PLCG2: variants seen among roughly 807,000 people sequenced by gnomAD.
PLCG2 encodes the protein phospholipase C gamma 2.
PLCG2 carries 69 observed loss-of-function variants against 175.6 expected under a neutral mutation model. The ratio of observed to expected loss-of-function variants is 0.39; its 90% CI spans 0.32 to 0.48. The LOEUF (loss-of-function observed/expected upper bound fraction) is 0.48, where lower values mean the gene tolerates loss of function less well. PLCG2 is among the 20% of genes least tolerant of loss of function. The pLI, the probability that PLCG2 is intolerant of heterozygous loss-of-function variation, is 0.91. For missense variants in PLCG2, 1,798 were observed against 1,650.9 expected, an observed-to-expected ratio of 1.09 and a Z score of -1.54; for synonymous variants, 827 against 624.0, an observed-to-expected ratio of 1.33 and a Z score of -4.85.
chr16:81,767,925 T>C (rs1306071207), intron 2 of PLCG2: 1 of 152,318 alleles, frequency 6.6e-6, no homozygotes, highest in African/African-American at 2.4e-5. Flanking sequence ...GTTTTGCTCT[T>C]GTTGCCTAGG....
At chr16:81,867,007 G>A (rs968751688) in intron 5 of PLCG2, among the ~76,000 whole-genome samples, 1 of 152,224 alleles carries the variant, frequency 6.6e-6, no homozygotes, top group African/African-American at 2.4e-5. Context: ...TGCCCTCAAG[G>A]TCTGTCTGTG....
chr16:81,944,153 T>A (rs759542325), intron 30 of PLCG2, among the ~76,000 whole-genome samples: 8 of 152,192 alleles, frequency 5.3e-5, no homozygotes, highest in African/African-American at 1.9e-4. Context: ...GTGAGATGCA[T>A]GCTGGGGAAA....
intron 2 of PLCG2, among the ~76,000 whole-genome samples, chr16:81,769,234 T>A (rs1910219883): frequency 6.6e-6 from 1 of 152,218 alleles, no homozygotes; most frequent in African/African-American, 2.4e-5. Flanking sequence ...CCCTTACCAT[T>A]ACGTCTAATA....
chr16:81,904,969 C>A (rs961563492), intron 14 of PLCG2, among the ~76,000 whole-genome samples: 8 of 152,310 alleles, frequency 5.3e-5, no homozygotes, highest in African/African-American at 1.9e-4. Context: ...CTCACTGCAA[C>A]CTCCACTTCC....
At chr16:81,907,305 G>A (rs11641484) in intron 15 of PLCG2, among the ~76,000 whole-genome samples, 132,286 of 150,924 alleles carry the variant, frequency 0.88, 58,137 homozygotes, top group East Asian at 0.96. Context: ...TTCATCGGGG[G>A]AAAAAAAAAA....
At chr16:81,886,909 A>G (rs956941119) in intron 9 of PLCG2, among the ~76,000 whole-genome samples, 1 of 152,150 alleles carries the variant, frequency 6.6e-6, no homozygotes, top group South Asian at 2.1e-4. Flanking sequence ...ATCTAGTGCA[A>G]TACCCTACAC....
At chr16:81,790,318 G>C (rs950683325) in intron 2 of PLCG2, among the ~76,000 whole-genome samples, 1 of 152,192 alleles carries the variant, frequency 6.6e-6, no homozygotes, top group Admixed American at 6.5e-5. Context: ...GAGGGATGAC[G>C]TGATTGGATT....
chr16:81,798,464 G>C (rs1329840086), intron 2 of PLCG2: 2 of 152,338 alleles, frequency 1.3e-5, no homozygotes, highest in Non-Finnish European at 2.9e-5. Flanking sequence ...TGGGAGGCTG[G>C]GGAGGCCTGG....
chr16:81,837,684 G>A (rs4500721), intron 2 of PLCG2, among the ~76,000 whole-genome samples: 1,640 of 126,132 alleles, frequency 0.013, 37 homozygotes, highest in African/African-American at 0.042. Context: ...ACCAACATGT[G>A]TTTTTTTTTT....
At chr16:81,937,486 A>G (rs758768976) in intron 27 of PLCG2, 2 of 305,518 alleles carry the variant, frequency 6.5e-6, no homozygotes, top group East Asian at 5.7e-5. Context: ...AAAATTGCCT[A>G]TGCAATTTAT....
intron 29 of PLCG2, among the ~76,000 whole-genome samples, chr16:81,939,259 C>T (rs978855540): frequency 6.6e-6 from 1 of 152,146 alleles, no homozygotes; most frequent in Non-Finnish European, 1.5e-5. Flanking sequence ...GGTGAACCTA[C>T]GTGGCTGACC....
At chr16:81,771,193 T>G (rs761201178) in intron 2 of PLCG2, among the ~76,000 whole-genome samples, 6 of 152,220 alleles carry the variant, frequency 3.9e-5, no homozygotes, top group Non-Finnish European at 8.8e-5. Context: ...AGGTCCTTCC[T>G]TCTGCTGCCT....
At chr16:81,910,823 C>A (rs1909590468) in intron 18 of PLCG2, 103 bp downstream of exon 18, 1 of 1,078,698 alleles carries the variant, frequency 9.3e-7, no homozygotes, top group Non-Finnish European at 1.4e-6. Flanking sequence ...CCCCAGGACA[C>A]CCTCTCCCCA....
intron 2 of PLCG2, among the ~76,000 whole-genome samples, chr16:81,824,046 T>TTCCTGTCCTG (rs71146049): frequency 3.7e-5 from 4 of 108,746 alleles, no homozygotes; most frequent in African/African-American, 1.3e-4. Context: ...TTCCTTTCCT[T>TTCCTGTCCTG]TCCTGTCCTG....
intron 2 of PLCG2, among the ~76,000 whole-genome samples, chr16:81,848,251 T>A (rs2143451948): frequency 6.6e-6 from 1 of 152,280 alleles, no homozygotes; most frequent in East Asian, 1.9e-4. Context: ...TTCAGAAGTA[T>A]GATGAATAAG....
At chr16:81,809,230 C>G (rs1904297693) in intron 2 of PLCG2, among the ~76,000 whole-genome samples, 1 of 152,146 alleles carries the variant, frequency 6.6e-6, no homozygotes, top group Admixed American at 6.5e-5. Context: ...GCTGGAAACA[C>G]CTGTGACTAT....
At chr16:81,749,880 T>A (rs1325477662) in intron 1 of PLCG2, among the ~76,000 whole-genome samples, 2 of 152,180 alleles carry the variant, frequency 1.3e-5, no homozygotes, top group African/African-American at 4.8e-5. Context: ...AGAGCTGAGA[T>A]GTCCCTCAAT....
At position 81,961,361 on chromosome 16, in the gene PLCG2, T is replaced by TA; in HGVS notation, c.*3364dup. The TA allele has an allele frequency of 4.4e-6, 1 of 226,244 alleles. No individual in the cohort carries two copies. The highest frequency in any genetic ancestry group is 8.8e-6 in the Non-Finnish European group (1 of 113,716). 14.0% of individuals were successfully genotyped at this position (226,244 alleles called of 1,614,324 possible). ...AATAATTGTGGAGAAAAGCCCTCTT[T>TA]ATCTCATTAAGTGATACATTTCCAA... is the stretch of plus-strand genomic sequence containing the variant. On this transcript the variant is annotated 3_prime_UTR_variant, in exon 33 of 33. Transcript: ENST00000564138.
chr16:81,790,429 C>T (rs1911178447), intron 2 of PLCG2, among the ~76,000 whole-genome samples: 1 of 152,216 alleles, frequency 6.6e-6, no homozygotes, highest in South Asian at 2.1e-4. Context: ...AATGGTGCTT[C>T]TCCCTCACAC....
Sources: allele counts gnomAD v4.1 joint callset (sites outside exome capture counted in the v4.1 genomes callset), GRCh38; gene constraint gnomAD v4.1.1; transcripts MANE v1.5; gene names NCBI Gene and HGNC (gene_info 2026-07-23, HGNC 2026-07-21).